The following KATNA1 variants were observed in gnomAD, a reference collection of about 807,000 sequenced individuals.
The protein encoded by KATNA1 is katanin p60 ATPase-containing subunit A1.
A neutral mutation model predicts 62.6 loss-of-function variants in KATNA1; 42 were observed. That is an observed-to-expected ratio of 0.67 (90% CI 0.52 to 0.87). The LOEUF (loss-of-function observed/expected upper bound fraction) is 0.87. Among genes scored for constraint, KATNA1 ranks in the 40% least tolerant of loss-of-function variants. KATNA1 has a pLI of 0.00. For synonymous variants in KATNA1, 186 were observed against 201.9 expected (o/e 0.92, Z 0.67); for missense variants, 498 against 612.5 (o/e 0.81, Z 1.97).
intron 10 of KATNA1, 40 bp from the exon 11 acceptor site, chr6:149,595,274 T>G: frequency 6.5e-7 from 1 of 1,538,752 alleles, no homozygotes; most frequent in Non-Finnish European, 8.9e-7. Context: ...ACACACAATG[T>G]TACTTTGGTT....
At chr6:149,614,810 T>C (rs1384357717) in intron 4 of KATNA1, among the ~76,000 whole-genome samples, 2 of 150,898 alleles carry the variant, frequency 1.3e-5, no homozygotes, top group East Asian at 1.9e-4. Flanking sequence ...CAAAAGAAAA[T>C]GAGAAGGGAA....
At chr6:149,629,404 C>T (rs1043979704) in intron 3 of KATNA1, among the ~76,000 whole-genome samples, 16 of 152,106 alleles carry the variant, frequency 1.1e-4, no homozygotes, top group Admixed American at 4.6e-4. Flanking sequence ...AGAGAGCCCT[C>T]ACCTGGAACC....
chr6:149,646,270 A>ATATTCTT (rs770211809), intron 1 of KATNA1, among the ~76,000 whole-genome samples: 1 of 152,190 alleles, frequency 6.6e-6, no homozygotes, highest in Non-Finnish European at 1.5e-5. Context: ...AGAGAAGACA[A>ATATTCTT]ACATAGAATA....
chr6:149,606,501 C>T (rs1489666521), intron 4 of KATNA1, among the ~76,000 whole-genome samples: 1 of 151,956 alleles, frequency 6.6e-6, no homozygotes, highest in Non-Finnish European at 1.5e-5. Context: ...CAGACTTAAC[C>T]AATATTTATG....
At chr6:149,633,104 T>TA (rs2114609472) in intron 2 of KATNA1, among the ~76,000 whole-genome samples, 188 bp from the exon 3 acceptor site, 1 of 147,808 alleles carries the variant, frequency 6.8e-6, no homozygotes, top group African/African-American at 2.5e-5. Flanking sequence ...ATTGCAATTT[T>TA]TTTTTTTTTT....
At chr6:149,605,187 C>CTAA (rs911911948) in intron 4 of KATNA1, among the ~76,000 whole-genome samples, 5 of 149,768 alleles carry the variant, frequency 3.3e-5, no homozygotes, top group African/African-American at 9.8e-5. Flanking sequence ...AAAAAAAAGG[C>CTAA]TAATAATAAT....
intron 4 of KATNA1, 90 bp from the exon 5 acceptor site, chr6:149,604,872 T>A: frequency 1.6e-6 from 2 of 1,284,428 alleles, no homozygotes; most frequent in Non-Finnish European, 2.2e-6. Context: ...TGACGTCCTT[T>A]AAAAAGCTAA....
chr6:149,624,972 G>A (rs1256909208), intron 3 of KATNA1, among the ~76,000 whole-genome samples: 1 of 151,506 alleles, frequency 6.6e-6, no homozygotes, highest in Non-Finnish European at 1.5e-5. Flanking sequence ...AAACAAGAGG[G>A]TACAATTATA....
At chr6:149,626,706 G>A (rs1034459154) in intron 3 of KATNA1, among the ~76,000 whole-genome samples, 1 of 151,682 alleles carries the variant, frequency 6.6e-6, no homozygotes, top group Admixed American at 6.6e-5. Flanking sequence ...CCATCTGGCT[G>A]GACGCAGTGG....
intron 3 of KATNA1, 71 bp downstream of exon 3, chr6:149,632,688 T>C (rs1582800592): frequency 6.1e-6 from 8 of 1,307,056 alleles, no homozygotes; most frequent in Non-Finnish European, 6.2e-6. Context: ...AGCCACCCCA[T>C]CCTCCTCCTA....
At chr6:149,628,731 A>T (rs1449620958) in intron 3 of KATNA1, among the ~76,000 whole-genome samples, 1 of 151,752 alleles carries the variant, frequency 6.6e-6, no homozygotes, top group Admixed American at 6.6e-5. Context: ...GAGGCAGGAG[A>T]ATTGCTTGAA....
At position 149,595,215 on chromosome 6, in the gene KATNA1, T is replaced by C. The variant is rs774145171; in HGVS notation, c.1297A>G (p.Met433Val). 4 of 1,614,084 alleles carry C rather than the reference T, an allele frequency of 2.5e-6. No homozygotes were observed. The highest frequency in any genetic ancestry group is 1.1e-5 in the South Asian group (1 of 91,082). The change falls in exon 11 of 11, where the codon ATG becomes GTG. Residue 433 changes from methionine (M) to valine (V), a missense_variant. Met to Val is a conservative substitution (Grantham distance 21). Around this residue, in one of 3 missense-constraint regions of KATNA1, gnomAD observed 267 missense variants for 372.6 expected, o/e 0.72. Coordinates refer to ENST00000367411, the MANE Select transcript of KATNA1 (RefSeq NM_007044.4). The stretch of plus-strand genomic sequence containing the variant: ...GTCAAACCTTCAATGCGCCTTCTCA[T>C]TGCCATCAAGGACGCATCCCTAGGT... ...NVCRDASLMA[M>V]RRRIEGLTPE... is the part of the protein sequence containing the mutation.
chr6:149,602,606 T>A (rs962599469), intron 6 of KATNA1, among the ~76,000 whole-genome samples: 2 of 152,046 alleles, frequency 1.3e-5, no homozygotes, highest in African/African-American at 4.8e-5. Context: ...TTGAGAACAA[T>A]CCCCAAAATA....
chr6:149,604,614 C>T lies in KATNA1; in HGVS notation c.623+47G>A, dbSNP rs575288617. On this transcript the variant is annotated intron_variant, in intron 5 of 10. Transcript: ENST00000367411. ...CTCACATTTGCTCCATTTTCCATTC[C>T]GAATAGCATCACCAGCACCCAATTA... 9.7e-5 allele frequency: 156 copies of T among 1,605,148 alleles called. 2 individuals are homozygous for T. The South Asian group carries it at 1.5e-3, about 16-fold the overall frequency.
chr6:149,613,629 C>A (rs771423500), intron 4 of KATNA1, among the ~76,000 whole-genome samples: 11 of 152,150 alleles, frequency 7.2e-5, no homozygotes, highest in Non-Finnish European at 1.5e-4. Context: ...AAAAACTGCA[C>A]CTGCAGAATC....
At chr6:149,596,772 C>T (rs146882743) in intron 10 of KATNA1, among the ~76,000 whole-genome samples, 137 of 151,924 alleles carry the variant, frequency 9.0e-4, no homozygotes, top group African/African-American at 3.2e-3. Context: ...GCAATGTTAC[C>T]CAGGCCAGTC....
intron 3 of KATNA1, among the ~76,000 whole-genome samples, chr6:149,629,995 G>A (rs1192997740): frequency 6.6e-6 from 1 of 152,174 alleles, no homozygotes; most frequent in African/African-American, 2.4e-5. Flanking sequence ...CTGGCACACA[G>A]TAATATGCAA....
At chr6:149,596,945 C>T (rs1429154286) in intron 10 of KATNA1, 118 bp downstream of exon 10, 23 of 937,176 alleles carry the variant, frequency 2.5e-5, no homozygotes, top group South Asian at 5.0e-5. Flanking sequence ...GCTGTGACTG[C>T]GCCTCTACTC....
chr6:149,631,077 G>C (rs1779813052), intron 3 of KATNA1, among the ~76,000 whole-genome samples: 1 of 152,184 alleles, frequency 6.6e-6, no homozygotes, highest in African/African-American at 2.4e-5. Flanking sequence ...TCAGGACACT[G>C]TGGGTGTATA....
Sources: allele counts gnomAD v4.1 joint callset (sites outside exome capture counted in the v4.1 genomes callset), GRCh38; gene constraint gnomAD v4.1.1; regional missense constraint gnomAD v4.1.1; transcripts MANE v1.5; gene names NCBI Gene and HGNC (gene_info 2026-07-23, HGNC 2026-07-21).